FHIT: variants seen among roughly 807,000 people sequenced by gnomAD.
FHIT encodes the protein fragile histidine triad diadenosine triphosphatase.
Under a neutral mutation model 17.9 loss-of-function variants are expected in FHIT, and 19 were observed. The observed-to-expected ratio is 1.06, with a 90% CI of 0.74 to 1.56. The LOEUF (loss-of-function observed/expected upper bound fraction) is 1.56. Ranked by LOEUF, FHIT falls within the 40% of genes most tolerant of loss-of-function variation. The pLI is 0.00. For missense variants in FHIT, 248 were observed against 189.2 expected (o/e 1.31, Z -1.82); for synonymous variants, 81 against 69.7 (o/e 1.16, Z -0.81).
chr3:60,297,947 T>G (rs1394241139), intron 5 of FHIT, among the ~76,000 whole-genome samples: 1 of 152,064 alleles, frequency 6.6e-6, no homozygotes, highest in East Asian at 1.9e-4. Context: ...TCAGGATTCC[T>G]ACAACCTCCT....
intron 1 of FHIT, among the ~76,000 whole-genome samples, chr3:61,238,992 A>G (rs1385563777): frequency 1.3e-5 from 2 of 152,208 alleles, no homozygotes; most frequent in African/African-American, 4.8e-5. Flanking sequence ...TGGGTTATAC[A>G]AATGGAACCT....
At chr3:60,263,869 T>C (rs213327) in intron 5 of FHIT, among the ~76,000 whole-genome samples, 146,289 of 151,928 alleles carry the variant, frequency 0.96, 70,454 homozygotes, top group East Asian at 1. Flanking sequence ...GCTTATCACA[T>C]TAGAATAATT....
At chr3:60,323,591 A>G (rs939501673) in intron 5 of FHIT, among the ~76,000 whole-genome samples, 3 of 152,162 alleles carry the variant, frequency 2.0e-5, no homozygotes, top group East Asian at 3.9e-4. Context: ...AATCCTAGGG[A>G]GCAGATCCCC....
intron 2 of FHIT, among the ~76,000 whole-genome samples, chr3:61,060,719 A>G (rs956607648): frequency 6.6e-6 from 1 of 152,250 alleles, no homozygotes; most frequent in African/African-American, 2.4e-5. Flanking sequence ...GTATTACATG[A>G]ACCTGCTCTG....
chr3:59,775,154 CCCT>C (rs1232251470), intron 8 of FHIT, among the ~76,000 whole-genome samples: 2 of 152,134 alleles, frequency 1.3e-5, no homozygotes, highest in Admixed American at 6.6e-5. Flanking sequence ...TGTTTGGACC[CCCT>C]AATTCCAGAG....
At chr3:60,010,606 T>C (rs1210412740) in intron 7 of FHIT, among the ~76,000 whole-genome samples, 3 of 152,222 alleles carry the variant, frequency 2.0e-5, no homozygotes, top group Admixed American at 6.5e-5. Flanking sequence ...TTCTGACTTC[T>C]AGCACCAAAA....
In FHIT at chr3:59,908,736, G is replaced by C. The variant is rs569102551; in HGVS notation, c.348+13610C>G. Among the ~76,000 whole-genome samples the C allele has an allele frequency of 3.3e-5, 5 of 151,994 alleles. No individual in the cohort carries two copies. The South Asian group carries it at 8.3e-4, about 25-fold the overall frequency. ...ACTGAATGAATTACAGGCCTGAACT[G>C]ACAGAAACGGCACTGAACTTGCTGA... On this transcript the variant is annotated intron_variant, in intron 8 of 9. Transcript: ENST00000492590.
chr3:61,025,361 G>A (rs1200673086), intron 3 of FHIT, among the ~76,000 whole-genome samples: 2 of 152,168 alleles, frequency 1.3e-5, no homozygotes, highest in Admixed American at 6.5e-5. Context: ...CCCTTAGTTA[G>A]GTCAGTGACC....
chr3:60,347,163 T>C (rs1436421288), intron 5 of FHIT, among the ~76,000 whole-genome samples: 1 of 152,196 alleles, frequency 6.6e-6, no homozygotes, highest in Non-Finnish European at 1.5e-5. Context: ...GGTATGCCTA[T>C]CAGCAGAAAA....
At chr3:60,660,422 T>C (rs995843957) in intron 4 of FHIT, among the ~76,000 whole-genome samples, 2 of 152,112 alleles carry the variant, frequency 1.3e-5, no homozygotes, top group African/African-American at 2.4e-5. Context: ...GTAGCTGATA[T>C]TATTCTAAGA....
At chr3:61,043,152 G>T (rs1023042992) in intron 2 of FHIT, among the ~76,000 whole-genome samples, 6 of 152,288 alleles carry the variant, frequency 3.9e-5, no homozygotes, top group Admixed American at 3.9e-4. Context: ...AAGCAGGGCA[G>T]GCATTGCCTC....
chr3:60,515,751 T>C (rs2035130537), intron 5 of FHIT, among the ~76,000 whole-genome samples: 2 of 152,180 alleles, frequency 1.3e-5, no homozygotes, highest in Non-Finnish European at 2.9e-5. Flanking sequence ...TTTGCATATA[T>C]TAACTCACAT....
chr3:59,850,856 G>C (rs963639068), intron 8 of FHIT, among the ~76,000 whole-genome samples: 13 of 152,210 alleles, frequency 8.5e-5, no homozygotes, highest in African/African-American at 3.1e-4. Flanking sequence ...AGGGGAGGTA[G>C]AGGTGGTGAT....
intron 5 of FHIT, among the ~76,000 whole-genome samples, chr3:60,247,217 A>T (rs1705443056): frequency 2.6e-5 from 3 of 114,756 alleles, no homozygotes; most frequent in Non-Finnish European, 5.5e-5. Flanking sequence ...TGTTCTACCA[A>T]GTAAGGCTAT....
chr3:59,754,250 C>T (rs538398960), intron 8 of FHIT, among the ~76,000 whole-genome samples: 15 of 152,280 alleles, frequency 9.9e-5, no homozygotes, highest in South Asian at 4.2e-4. Flanking sequence ...AGCATATAAC[C>T]GGGCCACAGA....
At chr3:60,197,551 T>C (rs572278590) in intron 5 of FHIT, among the ~76,000 whole-genome samples, 2 of 152,266 alleles carry the variant, frequency 1.3e-5, no homozygotes, top group South Asian at 2.1e-4. Flanking sequence ...ATAAAGGTAT[T>C]ACAAATATCT....
At chr3:60,912,357 C>G (rs1163958407) in intron 3 of FHIT, among the ~76,000 whole-genome samples, 1 of 152,048 alleles carries the variant, frequency 6.6e-6, no homozygotes, top group Non-Finnish European at 1.5e-5. Context: ...CATTGAGTAA[C>G]CTGGTAACTG....
chr3:60,452,093 C>G (rs1479344843), intron 5 of FHIT, among the ~76,000 whole-genome samples: 1 of 152,158 alleles, frequency 6.6e-6, no homozygotes, highest in Non-Finnish European at 1.5e-5. Flanking sequence ...TGAGATTTCT[C>G]ATATAAATAA....
At chr3:60,295,713 G>A (rs1274834421) in intron 5 of FHIT, among the ~76,000 whole-genome samples, 2 of 152,138 alleles carry the variant, frequency 1.3e-5, no homozygotes, top group Non-Finnish European at 2.9e-5. Flanking sequence ...TAGTTTTTAA[G>A]AAACTACTAA....
Sources: allele counts gnomAD v4.1 joint callset (sites outside exome capture counted in the v4.1 genomes callset), GRCh38; gene constraint gnomAD v4.1.1; transcripts MANE v1.5; gene names NCBI Gene and HGNC (gene_info 2026-07-23, HGNC 2026-07-21).